Variants in ZNF385C observed in about 807,000 individuals in gnomAD.
The protein encoded by ZNF385C is zinc finger protein 385C.
ZNF385C carries 28 observed loss-of-function variants against 35.4 expected under a neutral mutation model. That is an observed-to-expected ratio of 0.79 (90% confidence interval 0.59 to 1.08). ZNF385C has a LOEUF of 1.08. Ranked by LOEUF, ZNF385C falls within the 50% of genes least tolerant of loss-of-function variation. ZNF385C has a pLI of 0.00. For synonymous variants in ZNF385C, 248 were observed against 248.2 expected, an observed-to-expected ratio of 1.00 and a Z score of 0.01; for missense variants, 605 against 595.6, an observed-to-expected ratio of 1.02 and a Z score of -0.16.
At chr17:42,067,070 GAAAA>G (rs1303879897) in intron 1 of ZNF385C, among the ~76,000 whole-genome samples, 1 of 137,128 alleles carries the variant, frequency 7.3e-6, no homozygotes, top group Non-Finnish European at 1.6e-5. Flanking sequence ...CTCCGTCTCA[GAAAA>G]AAAAAAAAGA....
intron 1 of ZNF385C, among the ~76,000 whole-genome samples, chr17:42,094,710 C>T (rs1032522836): frequency 6.6e-6 from 1 of 152,186 alleles, no homozygotes. Context: ...GCCTCAGGAC[C>T]CAGAGACACT....
intron 2 of ZNF385C, chr17:42,042,878 C>T (rs1241664183): frequency 2.4e-6 from 3 of 1,232,232 alleles, no homozygotes; most frequent in Admixed American, 8.4e-5. Context: ...TCGCCATGCT[C>T]TGTGCCCAGC....
chr17:42,045,508 T>C (rs2053140394), intron 2 of ZNF385C, among the ~76,000 whole-genome samples: 3 of 152,248 alleles, frequency 2.0e-5, no homozygotes, highest in Admixed American at 6.5e-5. Flanking sequence ...GATATTATCC[T>C]TTTGGAGAGG....
intron 1 of ZNF385C, among the ~76,000 whole-genome samples, chr17:42,080,598 G>C (rs1286754644): frequency 6.6e-6 from 1 of 152,230 alleles, no homozygotes; most frequent in Non-Finnish European, 1.5e-5. Flanking sequence ...CATTGGCTGA[G>C]GGAGATGGTG....
Position 42,026,782 on chromosome 17 carries a change from CA to C in ZNF385C, c.*114del. The C allele has an allele frequency of 9.6e-7, 1 of 1,042,418 alleles. No individual in the cohort carries two copies. The highest frequency in any genetic ancestry group is 1.5e-6 in the Non-Finnish European group (1 of 684,512). The allele number at this position is 1,042,418 out of a possible 1,614,324, so 64.6% of individuals were successfully genotyped here. The stretch of plus-strand genomic sequence containing the variant: ...CTAGCCCAGCTCTTTCTGGATCGGG[CA>C]GGACCCCTGAAGCTGTTCACAGTCC... On this transcript the variant is annotated 3_prime_UTR_variant, in exon 9 of 9. Transcript: ENST00000692273.
At chr17:42,062,451 C>T (rs797037871) in intron 2 of ZNF385C, 9 of 193,990 alleles carry the variant, frequency 4.6e-5, no homozygotes, top group East Asian at 1.2e-4. Context: ...ACCCCCACCC[C>T]GCAGATGAGG....
At chr17:42,040,250 G>A in intron 2 of ZNF385C, 1 of 1,231,630 alleles carries the variant, frequency 8.1e-7, no homozygotes, top group South Asian at 4.1e-5. Flanking sequence ...ATGGAGTCCA[G>A]GAAGGATCCC....
chr17:42,031,738 A>C lies in ZNF385C; in HGVS notation c.557T>G (p.Leu186Arg). The change falls in exon 5 of 9, where the codon CTC (leucine) becomes CGC (arginine). Residue 186 changes from leucine (L) to arginine (R), a missense_variant. Physicochemically the swap from Leu to Arg is moderately radical, Grantham distance 102. Transcript: ENST00000692273. Reference protein sequence around the residue: ...HYKGHKHARKLKAVEAAKSKQ... With the variant: ...HYKGHKHARKRKAVEAAKSKQ... ...GCTCTTGGCAGCCTCGACAGCCTTG[A>C]GTTTTCTGGCGTGTTTGTGGCCTTT... The C allele has an allele frequency of 6.4e-7, 1 of 1,550,656 alleles. No individual in the cohort carries two copies. Among genetic ancestry groups the C allele is most frequent in the South Asian group, 1.2e-5 (1 of 84,052 alleles).
chr17:42,088,372 C>T (rs370378986), intron 1 of ZNF385C, among the ~76,000 whole-genome samples: 6 of 152,252 alleles, frequency 3.9e-5, no homozygotes, highest in East Asian at 3.8e-4. Context: ...TGGCCTGGCC[C>T]GGGTGGGCGC....
chr17:42,032,587 A>C (rs781962223), intron 4 of ZNF385C, among the ~76,000 whole-genome samples: 3 of 152,242 alleles, frequency 2.0e-5, no homozygotes, highest in Non-Finnish European at 4.4e-5. Context: ...TATGTACCCC[A>C]GAACATTCAT....
rs1233329330 is a variant in ZNF385C, at chr17:42,039,959, C to T, written c.251-2074G>A. 7.3e-6 allele frequency: 9 copies of T among 1,231,118 alleles called. No individual in the cohort carries two copies. The East Asian group carries it at 2.8e-4, about 39-fold the overall frequency. The allele number at this position is 1,231,118 out of a possible 1,614,324, so 76.3% of individuals were successfully genotyped here. ...AGGGCGGCGAAGTCGGGGAAGAGCT[C>T]GTGCAGCTCCGAGTGCGCGCACGCC... On this transcript the variant is annotated intron_variant, in intron 2 of 8. Coordinates refer to ENST00000692273, the MANE Select transcript of ZNF385C (RefSeq NM_001392013.1).
chr17:42,067,024 G>A (rs1250190667), intron 1 of ZNF385C, among the ~76,000 whole-genome samples: 1 of 152,036 alleles, frequency 6.6e-6, no homozygotes, highest in South Asian at 2.1e-4. Flanking sequence ...AGTCGAGATC[G>A]TGCCATGGCA....
Position 42,029,165 on chromosome 17 carries a change from G to A in ZNF385C, c.677-92C>T, listed in dbSNP as rs148200935. 3.4e-5 allele frequency: 48 copies of A among 1,400,818 alleles called. No individual in the cohort carries two copies. In the African/African-American group the frequency reaches 6.0e-4, roughly 18 times the overall value. 86.8% of individuals were successfully genotyped at this position (1,400,818 alleles called of 1,614,324 possible). On this transcript the variant is annotated intron_variant, in intron 5 of 8. Transcript: ENST00000692273. ...CATGGAGGTGGCCTGGAGGGCCCCT[G>A]GTGGATGACCAGCACTGAATTCCAG...
intron 1 of ZNF385C, among the ~76,000 whole-genome samples, chr17:42,076,702 G>A (rs1296986681): frequency 2.6e-5 from 4 of 152,158 alleles, no homozygotes; most frequent in African/African-American, 9.7e-5. Flanking sequence ...GCTAGAAAGG[G>A]GCAGAGTGGG....
At chr17:42,096,815 A>G (rs1430897755) in intron 1 of ZNF385C, among the ~76,000 whole-genome samples, 3 of 151,538 alleles carry the variant, frequency 2.0e-5, no homozygotes, top group African/African-American at 7.3e-5. Flanking sequence ...TCTCCCCTCT[A>G]CAGAGACAAA....
chr17:42,094,241 CCAAA>C (rs1258419172), intron 1 of ZNF385C, among the ~76,000 whole-genome samples: 1 of 152,206 alleles, frequency 6.6e-6, no homozygotes, highest in Non-Finnish European at 1.5e-5. Flanking sequence ...CCTCAGCCTC[CCAAA>C]GTGCTAGTAT....
At position 42,026,303 on chromosome 17, in the gene ZNF385C, A is replaced by G. The variant is rs2143476902; in HGVS notation, c.*594T>C. ...TCCTCTCTTAGTCCCACCCCTTCAGAGCAGATGAAGCCCCCAAAAGCTTTC... is the reference window on the plus strand; with the variant it reads ...TCCTCTCTTAGTCCCACCCCTTCAGGGCAGATGAAGCCCCCAAAAGCTTTC... On this transcript the variant is annotated 3_prime_UTR_variant, in exon 9 of 9. Transcript: ENST00000692273. 1 of 156,602 alleles carries G rather than the reference A, an allele frequency of 6.4e-6. No homozygotes were observed. The highest frequency in any genetic ancestry group is 1.9e-4 in the South Asian group (1 of 5,360). The allele number at this position is 156,602 out of a possible 1,614,324, so 9.7% of individuals were successfully genotyped here.
rs1391929471 is a variant in ZNF385C, at chr17:42,031,532, A to G, written c.676+87T>C. The G allele has an allele frequency of 4.8e-6, 7 of 1,464,528 alleles. No homozygotes were observed. In the African/African-American group the frequency reaches 8.5e-5, roughly 18 times the overall value. The allele number at this position is 1,464,528 out of a possible 1,614,324, so 90.7% of individuals were successfully genotyped here. On this transcript the variant is annotated intron_variant, in intron 5 of 8. Coordinates refer to ENST00000692273, the MANE Select transcript of ZNF385C (RefSeq NM_001392013.1). ...CTGTATGGAATACTCCAACACAAGC[A>G]AAAAGAATAAGCAGAAATCTCTCAA...
intron 1 of ZNF385C, among the ~76,000 whole-genome samples, chr17:42,077,900 C>A (rs2053701955): frequency 6.6e-6 from 1 of 152,110 alleles, no homozygotes; most frequent in Non-Finnish European, 1.5e-5. Flanking sequence ...CCTAAAATAG[C>A]CCAGAGCCAC....
Sources: allele counts gnomAD v4.1 joint callset (sites outside exome capture counted in the v4.1 genomes callset), GRCh38; gene constraint gnomAD v4.1.1; transcripts MANE v1.5; gene names NCBI Gene and HGNC (gene_info 2026-07-23, HGNC 2026-07-21).